Variants in PLEKHG5 observed in about 807,000 individuals in gnomAD.
PLEKHG5 encodes pleckstrin homology domain-containing family G member 5.
Under a neutral mutation model 103.8 loss-of-function variants are expected in PLEKHG5, and 52 were observed. The ratio of observed to expected loss-of-function variants is 0.50; its 90% CI spans 0.40 to 0.63. The LOEUF (loss-of-function observed/expected upper bound fraction) is 0.63, where lower values mean the gene tolerates loss of function less well. PLEKHG5 is among the 30% of genes least tolerant of loss of function. The probability of loss-of-function intolerance (pLI) is 0.00; values close to 1 mark genes in which losing one functional copy is unlikely to be tolerated. For missense variants in PLEKHG5, 1,205 were observed against 1,347.6 expected (o/e 0.89, Z 1.66); for synonymous variants, 592 against 575.5 (o/e 1.03, Z -0.41).
upstream of PLEKHG5, among the ~76,000 whole-genome samples, chr1:6,499,531 G>A (rs143456726): frequency 1.6e-4 from 24 of 152,256 alleles, no homozygotes; most frequent in South Asian, 1.7e-3. Context: ...CCTGCATTGC[G>A]TAGGCGAGCT....
At chr1:6,481,024 G>A (rs1157424910) in intron 1 of PLEKHG5, among the ~76,000 whole-genome samples, 1 of 152,064 alleles carries the variant, frequency 6.6e-6, no homozygotes, top group East Asian at 1.9e-4. Context: ...TCCACCTTTA[G>A]TATCTGTGGC....
exon 1 of PLEKHG5, chr1:6,519,674 C>T: frequency 1.5e-6 from 1 of 677,032 alleles, no homozygotes; most frequent in African/African-American, 1.8e-5. Context: ...ATTTCTGCAG[C>T]TGGACCTGTC....
chr1:6,493,826 T>A (rs989359162), upstream of PLEKHG5, among the ~76,000 whole-genome samples: 1 of 152,104 alleles, frequency 6.6e-6, no homozygotes, highest in Non-Finnish European at 1.5e-5. Flanking sequence ...CGGCTAATTA[T>A]TTTTTATATT....
At chr1:6,502,189 G>C (rs1401501111) in intron 1 of PLEKHG5, among the ~76,000 whole-genome samples, 1 of 152,242 alleles carries the variant, frequency 6.6e-6, no homozygotes, top group Non-Finnish European at 1.5e-5. Context: ...TGGGTAAATG[G>C]CTGCTGGTCC....
At position 6,510,361 on chromosome 1, in the gene PLEKHG5, G is replaced by C. The variant is rs559368108; in HGVS notation, c.-165+9084C>G. 3.4e-3 allele frequency among the ~76,000 whole-genome samples: 523 copies of C among 152,244 alleles called. 3 individuals carry two copies. The highest frequency in any genetic ancestry group is 5.7e-3 in the Non-Finnish European group (386 of 68,002). ...TAATCCCAGCACTTTGGGAGGCCAA[G>C]GCAGGTGGATCACGAGGTCAGGAGT... On this transcript the variant is annotated intron_variant, in intron 1 of 21. Transcript: ENST00000377740.
chr1:6,476,017 G>A lies in PLEKHG5; in HGVS notation c.63C>T (p.Asn21=), dbSNP rs138432284. 1.2e-5 allele frequency: 19 copies of A among 1,613,330 alleles called. No homozygotes were observed. The highest frequency in any genetic ancestry group is 1.6e-4 in the Middle Eastern group (1 of 6,080). The part of the protein sequence containing the change: ...LPPQGSVLAR[N]VSTRSCPPRT... ...GCGGCGGGCATGACCGGGTGGACAC[G>A]TTCCGGGCCAGCACAGAGCCTTGGG... Residue 21 remains asparagine (N), a synonymous_variant, in exon 3 of 21, where the codon AAC becomes AAT. Coordinates refer to ENST00000377728, the MANE Select transcript of PLEKHG5 (RefSeq NM_020631.6).
intron 2 of PLEKHG5, among the ~76,000 whole-genome samples, chr1:6,476,551 C>A (rs1644770117): frequency 6.6e-6 from 1 of 152,140 alleles, no homozygotes; most frequent in Non-Finnish European, 1.5e-5. Context: ...TGGGATGACA[C>A]CCATGGTGAA....
In PLEKHG5 at chr1:6,469,696, G is replaced by T; in HGVS notation, c.1801-20C>A. On this transcript the variant is annotated intron_variant, in intron 16 of 20. Transcript: ENST00000377728. ...ATCCATCTGCAGTGGCAGGAGGGGG[G>T]GTGGCCAGAGAGGCCAGCAGGGTCA... 6.2e-7 allele frequency: 1 copy of T among 1,610,326 alleles called. No individual in the cohort carries two copies. The highest frequency in any genetic ancestry group is 2.2e-5 in the East Asian group (1 of 44,848).
chr1:6,488,061 G>A (rs1645073737), intron 1 of PLEKHG5, among the ~76,000 whole-genome samples: 1 of 152,216 alleles, frequency 6.6e-6, no homozygotes, highest in Non-Finnish European at 1.5e-5. Context: ...CCATGACCTT[G>A]GGCCTGCTGG....
intron 4 of PLEKHG5, 86 bp from the exon 5 acceptor site, chr1:6,475,224 CT>C (rs1378687889): frequency 3.6e-5 from 26 of 721,880 alleles, no homozygotes; most frequent in Non-Finnish European, 4.8e-5. Flanking sequence ...TCCCACCCTC[CT>C]TCCCAACCCT....
At position 6,471,480 on chromosome 1, in the gene PLEKHG5, G is replaced by A. The variant is rs1284740642; in HGVS notation, c.1281+8C>T. ...AGTGCCCCCGCCTGCGCCCGGCCCC[G>A]CCCGTACCATCTTGAAGCCTTTGAG... On this transcript the variant is annotated splice_region_variant and intron_variant, in intron 12 of 20. Coordinates refer to ENST00000377728, the MANE Select transcript of PLEKHG5 (RefSeq NM_020631.6). 1.9e-6 allele frequency: 3 copies of A among 1,609,426 alleles called. No individual in the cohort carries two copies. Among genetic ancestry groups the A allele is most frequent in the Non-Finnish European group, 2.5e-6 (3 of 1,178,770 alleles).
At position 6,511,234 on chromosome 1, in the gene PLEKHG5, A is replaced by T. The variant is rs151334786; in HGVS notation, c.-165+8211T>A. Among the ~76,000 whole-genome samples the T allele has an allele frequency of 8.2e-3, 1,253 of 152,234 alleles. 23 individuals are homozygous for T. The highest frequency in any genetic ancestry group is 0.028 in the African/African-American group (1,155 of 41,536). The stretch of plus-strand genomic sequence containing the variant: ...CTGGCCAGCCCGTCCTTGAGCTTCA[A>T]CCAGGCCTCAGCCTTAGCCCCCAAC... On this transcript the variant is annotated intron_variant, in intron 1 of 21. Coordinates refer to the PLEKHG5 transcript ENST00000377740.
intron 9 of PLEKHG5, 48 bp from the exon 10 acceptor site, chr1:6,472,670 G>C (rs1644629589): frequency 7.1e-7 from 1 of 1,400,042 alleles, no homozygotes; most frequent in East Asian, 2.4e-5. Flanking sequence ...GAGCACCTTA[G>C]GGTGGCCGGG....
intron 1 of PLEKHG5, among the ~76,000 whole-genome samples, chr1:6,508,216 C>T (rs373192064): frequency 7.9e-5 from 12 of 152,266 alleles, no homozygotes; most frequent in African/African-American, 1.7e-4. Context: ...ATTTCGGGCT[C>T]GGAGGCTGAA....
At chr1:6,518,156 T>C (rs1638677441) in intron 1 of PLEKHG5, among the ~76,000 whole-genome samples, 1 of 151,306 alleles carries the variant, frequency 6.6e-6, no homozygotes. Context: ...ATGGTCTTGA[T>C]CTCCTGACCT....
chr1:6,483,593 A>C (rs1442965202), intron 1 of PLEKHG5, among the ~76,000 whole-genome samples: 1 of 152,122 alleles, frequency 6.6e-6, no homozygotes, highest in Non-Finnish European at 1.5e-5. Context: ...GGAGCCCAGG[A>C]GGTTGAGGCT....
rs974628842 is a variant in PLEKHG5 at position 6,490,897 on chromosome 1, G to C, written c.-88+740C>G. Among the ~76,000 whole-genome samples the C allele has an allele frequency of 6.6e-6, 1 of 152,150 alleles. No homozygotes were observed. Among genetic ancestry groups the C allele is most frequent in the African/African-American group, 2.4e-5 (1 of 41,434 alleles). On this transcript the variant is annotated intron_variant, in intron 1 of 20. Coordinates refer to ENST00000377728, the MANE Select transcript of PLEKHG5 (RefSeq NM_020631.6). This position sits in a 1 kb window ranked among gnomAD's most constrained non-coding sequence, Gnocchi z 8.0. ...CTCGCCCATCCCGGAAGGGGGCTAGGGGGGACCAGGGCCCGCGACAGGAAG... is the reference window on the plus strand; with the variant it reads ...CTCGCCCATCCCGGAAGGGGGCTAGCGGGGACCAGGGCCCGCGACAGGAAG...
At position 6,471,586 on chromosome 1, in the gene PLEKHG5, G is replaced by T; in HGVS notation, c.1183C>A (p.Arg395Ser). ...GCCATCACGCTAGCCCACAGCCTGC[G>T]GTGCAGCTGCGCGATCTCCGGGATG... The part of the protein sequence containing the change: ...SNIPEIAQLH[R>S]RLWASVMAPV... The change falls in exon 12 of 21, where the codon CGC (arginine) becomes AGC (serine). Residue 395 changes from arginine (R) to serine (S), a missense_variant. Coordinates refer to ENST00000377728, the MANE Select transcript of PLEKHG5 (RefSeq NM_020631.6). The T allele has an allele frequency of 1.9e-6, 3 of 1,599,618 alleles. No individual in the cohort carries two copies. The highest frequency in any genetic ancestry group is 2.3e-5 in the East Asian group (1 of 44,196).
intron 3 of PLEKHG5, 139 bp from the exon 4 acceptor site, chr1:6,475,661 C>A: frequency 1.3e-6 from 1 of 798,904 alleles, no homozygotes. Context: ...CCGGCCAGGC[C>A]CGCATAGGGC....
Sources: gnomAD v4.1 joint callset for allele counts (sites outside exome capture counted in the v4.1 genomes callset) on GRCh38, gnomAD v4.1.1 for gene constraint, Gnocchi (gnomAD v3.1) non-coding constraint, MANE v1.5 for transcripts, NCBI Gene and HGNC (gene_info 2026-07-23, HGNC 2026-07-21) for gene names.